The following FXYD2 variants were observed in gnomAD, a reference collection of about 807,000 sequenced individuals.
The protein encoded by FXYD2 is FXYD domain containing ion transport regulator 2.
Under a neutral mutation model 11.8 loss-of-function variants are expected in FXYD2, and 8 were observed. That is an observed-to-expected ratio of 0.68 (90% CI 0.40 to 1.22). FXYD2 has a LOEUF of 1.22. FXYD2 is among the 50% of genes most tolerant of loss of function. The pLI is 0.01. For synonymous variants in FXYD2, 42 were observed against 33.3 expected (o/e 1.26, Z -0.90); for missense variants, 92 against 91.8 (o/e 1.00, Z -0.01).
upstream of FXYD2, among the ~76,000 whole-genome samples, chr11:117,826,778 GTCTATCTA>G (rs150585221): frequency 0.098 from 12,233 of 125,450 alleles, 560 homozygotes; most frequent in Non-Finnish European, 0.12. Flanking sequence ...CTGTCTGTCT[GTCTATCTA>G]TCTATCTATC....
chr11:117,821,000 CAT>C, intron 3 of FXYD2, 105 bp from the exon 4 acceptor site: 1 of 1,520,564 alleles, frequency 6.6e-7, no homozygotes, highest in Non-Finnish European at 9.1e-7. Context: ...CTGCCAGTAT[CAT>C]CGCAGGGTCA....
In FXYD2 at chr11:117,822,389, G is replaced by A; in HGVS notation, c.139+17C>T. 6.4e-7 allele frequency: 1 copy of A among 1,553,570 alleles called. No individual in the cohort carries two copies. The highest frequency in any genetic ancestry group is 8.7e-7 in the Non-Finnish European group (1 of 1,147,972). The stretch of plus-strand genomic sequence containing the variant: ...TGCCCTGGTCAGCACCCCTTCCCTG[G>A]AGGCCACCCCACTTACTGAGGAGGA... On this transcript the variant is annotated intron_variant, in intron 3 of 5. Transcript: ENST00000292079. The surrounding 1 kb of genome is among the most constrained non-coding windows in gnomAD (Gnocchi z 4.7).
At chr11:117,827,875 T>C (rs372767115), upstream of FXYD2, 18 of 763,512 alleles carry the variant, frequency 2.4e-5, no homozygotes, top group African/African-American at 2.1e-4. Flanking sequence ...AAATTCTGCC[T>C]CTCTTCCTTT....
At chr11:117,826,778 G>GTCTATCTATCTATCTA (rs150585221), upstream of FXYD2, among the ~76,000 whole-genome samples, 26 of 125,876 alleles carry the variant, frequency 2.1e-4, no homozygotes, top group Non-Finnish European at 3.5e-4. Flanking sequence ...CTGTCTGTCT[G>GTCTATCTATCTATCTA]TCTATCTATC....
chr11:117,826,770 GTCTGTCTGTCTATCTA>G (rs778873254), upstream of FXYD2, among the ~76,000 whole-genome samples: 2,013 of 134,338 alleles, frequency 0.015, 19 homozygotes, highest in African/African-American at 0.032. Flanking sequence ...CTGTCTGTCT[GTCTGTCTGTCTATCTA>G]TCTATCTATC....
At chr11:117,823,596 C>G (rs2055965892) in intron 1 of FXYD2, among the ~76,000 whole-genome samples, 1 of 152,246 alleles carries the variant, frequency 6.6e-6, no homozygotes, top group African/African-American at 2.4e-5. Flanking sequence ...GCAGGCAGGT[C>G]TCACAGTGGT....
At position 117,822,895 on chromosome 11, in the gene FXYD2, G is replaced by A. The variant is rs1162204896; in HGVS notation, c.26-178C>T. On this transcript the variant is annotated intron_variant, in intron 1 of 5. Transcript: ENST00000292079. This position sits in a 1 kb window ranked among gnomAD's most constrained non-coding sequence, Gnocchi z 4.7. ...TGCCAGCAGGCTTCTGCTCCAGGCG[G>A]CTTCAGACACGCTCAACTGGGGACC... 6.6e-6 allele frequency among the ~76,000 whole-genome samples: 1 copy of A among 152,156 alleles called. No individual in the cohort carries two copies. The highest frequency in any genetic ancestry group is 1.9e-4 in the East Asian group (1 of 5,190).
chr11:117,821,322 A>G (rs954982311), intron 3 of FXYD2: 1 of 981,318 alleles, frequency 1.0e-6, no homozygotes, highest in African/African-American at 1.8e-5. Context: ...TGGCCTCCTA[A>G]TATGCCGGCA....
At position 117,822,582 on chromosome 11, in the gene FXYD2, AAGGGGCACAG is replaced by A; in HGVS notation, c.64+87_64+96del. 12 of 1,569,014 alleles carry A rather than the reference AAGGGGCACAG, an allele frequency of 7.6e-6. No individual in the cohort carries two copies. Among genetic ancestry groups the A allele is most frequent in the African/African-American group, 1.3e-5 (1 of 74,434 alleles). ...GCAGCCCGTGGTAACCAGGGGAGATAAGGGGCACAGAGCATGGACCTGGGGCTGGGAGAGG... is the reference window on the plus strand; with the variant it reads ...GCAGCCCGTGGTAACCAGGGGAGATAAGCATGGACCTGGGGCTGGGAGAGG... On this transcript the variant is annotated intron_variant, in intron 2 of 5. Transcript: ENST00000292079. The surrounding 1 kb of genome is among the most constrained non-coding windows in gnomAD (Gnocchi z 4.7).
chr11:117,821,320 T>C, intron 3 of FXYD2: 1 of 981,448 alleles, frequency 1.0e-6, no homozygotes, highest in Non-Finnish European at 1.2e-6. Flanking sequence ...CTTGGCCTCC[T>C]AATATGCCGG....
intron 4 of FXYD2, 74 bp from the exon 5 acceptor site, chr11:117,820,770 A>C: frequency 1.2e-6 from 2 of 1,613,246 alleles, no homozygotes; most frequent in East Asian, 4.5e-5. Flanking sequence ...GAGGCTGGGG[A>C]TCCTCCACTG....
chr11:117,820,946 A>G (rs2055887187), intron 3 of FXYD2, 51 bp from the exon 4 acceptor site: 1 of 1,613,328 alleles, frequency 6.2e-7, no homozygotes, highest in Non-Finnish European at 8.5e-7. Context: ...TTCCAAGGAG[A>G]CCCTGGAAGA....
chr11:117,821,303 C>T (rs956560708), intron 3 of FXYD2: 3 of 956,078 alleles, frequency 3.1e-6, no homozygotes, highest in Non-Finnish European at 3.7e-6. Context: ...TCAAGAGATC[C>T]TCCTGCCTTG....
chr11:117,827,944 ACCTGTGTTAGAG>A (rs1285402651), upstream of FXYD2: 5 of 1,228,900 alleles, frequency 4.1e-6, no homozygotes, highest in African/African-American at 1.5e-5. Context: ...CGGGGCTGGC[ACCTGTGTTAGAG>A]CCTGAGCAGG....
upstream of FXYD2, among the ~76,000 whole-genome samples, chr11:117,827,368 G>A (rs2056067507): frequency 1.3e-5 from 2 of 152,196 alleles, no homozygotes; most frequent in Admixed American, 6.5e-5. Context: ...TCCTGTCTCA[G>A]CCTCCTGAGT....
chr11:117,823,989 C>T (rs2055977838), intron 1 of FXYD2, among the ~76,000 whole-genome samples: 1 of 152,184 alleles, frequency 6.6e-6, no homozygotes, highest in South Asian at 2.1e-4. Context: ...TGGTTCAGGC[C>T]TTGTTTAAGG....
chr11:117,824,308 G>A lies in FXYD2; in HGVS notation c.25+346C>T. 2.3e-6 allele frequency: 1 copy of A among 440,986 alleles called. No homozygotes were observed. 27.3% of individuals were successfully genotyped at this position (440,986 alleles called of 1,614,324 possible). On this transcript the variant is annotated intron_variant, in intron 1 of 5. Transcript: ENST00000292079. The surrounding 1 kb of genome is among the most constrained non-coding windows in gnomAD (Gnocchi z 4.0). Reference sequence around the variant, plus strand: ...ACCAGAGGGGCCTGCTCCTTCCCCAGCCAGATGGACGCCGTCTGCCTCCCG... The same window carrying A: ...ACCAGAGGGGCCTGCTCCTTCCCCAACCAGATGGACGCCGTCTGCCTCCCG...
Position 117,822,233 on chromosome 11 carries a change from G to A in FXYD2, c.139+173C>T, listed in dbSNP as rs1357773884. 6.7e-7 allele frequency: 1 copy of A among 1,502,746 alleles called. No homozygotes were observed. The highest frequency in any genetic ancestry group is 8.9e-7 in the Non-Finnish European group (1 of 1,126,514). 93.1% of individuals were successfully genotyped at this position (1,502,746 alleles called of 1,614,324 possible). A position where few individuals can be genotyped will look rare whatever the true frequency, so the allele number is the denominator to read the frequency against. On this transcript the variant is annotated intron_variant, in intron 3 of 5. Transcript: ENST00000292079. This position sits in a 1 kb window ranked among gnomAD's most constrained non-coding sequence, Gnocchi z 4.7. ...TGAGCAAGCAGGAACCTCACACTGT[G>A]CTCCCAGCGAGCCTGGCACCCCACC...
upstream of FXYD2, among the ~76,000 whole-genome samples, chr11:117,826,490 C>CA (rs2056038141): frequency 6.6e-6 from 1 of 152,092 alleles, no homozygotes; most frequent in Non-Finnish European, 1.5e-5. Context: ...GTGGCCAGGG[C>CA]ACTGGGTACA....
Sources: allele counts gnomAD v4.1 joint callset (sites outside exome capture counted in the v4.1 genomes callset), GRCh38; gene constraint gnomAD v4.1.1; non-coding constraint Gnocchi (gnomAD v3.1); transcripts MANE v1.5; gene names NCBI Gene and HGNC (gene_info 2026-07-23, HGNC 2026-07-21).